The following PTPRD variants were observed in gnomAD, a reference collection of about 807,000 sequenced individuals.
PTPRD encodes the protein protein tyrosine phosphatase receptor type D, also known as receptor-type tyrosine-protein phosphatase delta.
PTPRD carries 34 observed loss-of-function variants against 214.5 expected under a neutral mutation model. The observed-to-expected ratio is 0.16, with a 90% CI of 0.12 to 0.21. The LOEUF (loss-of-function observed/expected upper bound fraction) is 0.21. Among genes scored for constraint, PTPRD ranks in the 10% least tolerant of loss-of-function variants. PTPRD has a pLI of 1.00. For missense variants in PTPRD, 2,545 were observed against 2,398.7 expected, an observed-to-expected ratio of 1.06 and a Z score of -1.27; for synonymous variants, 1,128 against 845.7, an observed-to-expected ratio of 1.33 and a Z score of -5.79.
chr9:9,544,743 T>C (rs564492291), intron 8 of PTPRD, among the ~76,000 whole-genome samples: 1 of 151,872 alleles, frequency 6.6e-6, no homozygotes, highest in South Asian at 2.1e-4. Flanking sequence ...AAAACACTAA[T>C]AGGTCTAAGC....
At chr9:10,227,024 C>A (rs2154353205) in intron 3 of PTPRD, among the ~76,000 whole-genome samples, 1 of 152,004 alleles carries the variant, frequency 6.6e-6, no homozygotes, top group Admixed American at 6.6e-5. Flanking sequence ...AACTCTGCCC[C>A]ATCAACAAAT....
Position 8,316,970 on chromosome 9 carries a change from G to GATAT in PTPRD, c.*900_*903dup, listed in dbSNP as rs1822305331. ...TACATAGACACCCTTATAAAATATG[G>GATAT]ATATATATGTATATATGTTAGCAGC... On this transcript the variant is annotated 3_prime_UTR_variant, in exon 46 of 46. Transcript: ENST00000381196. The GATAT allele has an allele frequency of 4.3e-6, 1 of 231,258 alleles. No homozygotes were observed. The highest frequency in any genetic ancestry group is 2.2e-5 in the African/African-American group (1 of 45,044). 14.3% of individuals were successfully genotyped at this position (231,258 alleles called of 1,614,324 possible).
chr9:9,205,262 A>C (rs2099944135), intron 9 of PTPRD, among the ~76,000 whole-genome samples: 1 of 152,312 alleles, frequency 6.6e-6, no homozygotes, highest in Admixed American at 6.5e-5. Context: ...AAGTAAACAC[A>C]TTTAATTCAG....
At chr9:8,539,201 G>C (rs1013157346) in intron 14 of PTPRD, among the ~76,000 whole-genome samples, 5 of 151,882 alleles carry the variant, frequency 3.3e-5, no homozygotes, top group Non-Finnish European at 7.4e-5. Context: ...AAAGTTTCAG[G>C]AGAAATAGTA....
intron 8 of PTPRD, among the ~76,000 whole-genome samples, chr9:9,494,991 G>C (rs1273064636): frequency 1.3e-5 from 2 of 152,080 alleles, no homozygotes; most frequent in African/African-American, 4.8e-5. Flanking sequence ...ATAGAAAAGA[G>C]AGCTCAGAAA....
chr9:10,393,253 T>C (rs745686368), intron 2 of PTPRD, among the ~76,000 whole-genome samples: 17 of 151,746 alleles, frequency 1.1e-4, no homozygotes, highest in Non-Finnish European at 1.9e-4. Context: ...GTAAAAAATG[T>C]ACTGACAGAA....
intron 2 of PTPRD, among the ~76,000 whole-genome samples, chr9:10,571,689 CTT>C (rs1290684091): frequency 6.6e-6 from 1 of 152,156 alleles, no homozygotes; most frequent in Non-Finnish European, 1.5e-5. Context: ...CCAGGGACCA[CTT>C]TCATGGAAGA....
At chr9:9,499,397 C>G (rs1195215318) in intron 8 of PTPRD, among the ~76,000 whole-genome samples, 1 of 152,032 alleles carries the variant, frequency 6.6e-6, no homozygotes, top group Non-Finnish European at 1.5e-5. Flanking sequence ...CTTATATTTA[C>G]TGTTTCTAGA....
intron 14 of PTPRD, among the ~76,000 whole-genome samples, chr9:8,590,501 G>C (rs1005819731): frequency 6.6e-6 from 1 of 152,080 alleles, no homozygotes; most frequent in African/African-American, 2.4e-5. Context: ...GGATTATCAA[G>C]TTTCCTGTCC....
intron 3 of PTPRD, among the ~76,000 whole-genome samples, chr9:10,244,424 A>C (rs1460264440): frequency 1.3e-5 from 2 of 152,120 alleles, no homozygotes; most frequent in African/African-American, 4.8e-5. Context: ...CATCTTTACA[A>C]GTATGTTGAT....
chr9:10,174,616 T>A (rs1022012518), intron 3 of PTPRD, among the ~76,000 whole-genome samples: 1 of 152,068 alleles, frequency 6.6e-6, no homozygotes, highest in African/African-American at 2.4e-5. Context: ...TTCCAAAGAT[T>A]TGGAATTTAA....
At chr9:8,579,771 T>G (rs916762650) in intron 14 of PTPRD, among the ~76,000 whole-genome samples, 1 of 152,186 alleles carries the variant, frequency 6.6e-6, no homozygotes, top group African/African-American at 2.4e-5. Flanking sequence ...ACCAGGAAAT[T>G]AAGCTGAAGG....
At chr9:9,990,474 C>T (rs10217369) in intron 4 of PTPRD, among the ~76,000 whole-genome samples, 93,795 of 152,072 alleles carry the variant, frequency 0.62, 29,373 homozygotes, top group Middle Eastern at 0.76. Context: ...CCTCCCCTCC[C>T]GGCTTTAGCA....
intron 9 of PTPRD, among the ~76,000 whole-genome samples, chr9:9,394,221 G>C (rs2066910738): frequency 6.6e-6 from 1 of 152,160 alleles, no homozygotes; most frequent in Non-Finnish European, 1.5e-5. Flanking sequence ...GGCTATATTT[G>C]AATTCTGTGT....
chr9:9,211,515 GCACACACA>G (rs36213005), intron 9 of PTPRD, among the ~76,000 whole-genome samples: 4,570 of 143,600 alleles, frequency 0.032, 113 homozygotes, highest in African/African-American at 0.065. Context: ...GTGTGCGCAC[GCACACACA>G]CACACACACA....
chr9:9,346,475 G>A (rs1481628643), intron 9 of PTPRD, among the ~76,000 whole-genome samples: 1 of 152,020 alleles, frequency 6.6e-6, no homozygotes, highest in Non-Finnish European at 1.5e-5. Context: ...TCTATATTAC[G>A]ATTGTAAGTA....
At chr9:9,391,339 G>A (rs1159385829) in intron 9 of PTPRD, among the ~76,000 whole-genome samples, 22 of 151,988 alleles carry the variant, frequency 1.4e-4, no homozygotes, top group Non-Finnish European at 1.5e-5. Context: ...TTTTTTAAAT[G>A]ACTAATGTGA....
At chr9:9,510,358 A>T (rs6477400) in intron 8 of PTPRD, among the ~76,000 whole-genome samples, 112,617 of 151,394 alleles carry the variant, frequency 0.74, 42,777 homozygotes, top group African/African-American at 0.9. Flanking sequence ...TTTAGTTTTT[A>T]TCAGCAATGA....
intron 4 of PTPRD, among the ~76,000 whole-genome samples, chr9:10,000,848 G>T (rs2096290535): frequency 6.6e-6 from 1 of 152,152 alleles, no homozygotes; most frequent in Admixed American, 6.5e-5. Flanking sequence ...CTCCACGGGT[G>T]CAGGACATCT....
Sources: gnomAD v4.1 joint callset for allele counts (sites outside exome capture counted in the v4.1 genomes callset) on GRCh38, gnomAD v4.1.1 for gene constraint, MANE v1.5 for transcripts, NCBI Gene and HGNC (gene_info 2026-07-23, HGNC 2026-07-21) for gene names.